Variants in CHD2 observed in about 807,000 individuals in gnomAD.
CHD2 encodes the protein chromodomain helicase DNA binding protein 2.
A neutral mutation model predicts 243.9 loss-of-function variants in CHD2; 28 were observed. That is an observed-to-expected ratio of 0.11 (90% CI 0.09 to 0.16). The LOEUF is 0.16. Ranked by LOEUF, CHD2 falls within the 10% of genes least tolerant of loss-of-function variation. CHD2 has a pLI of 1.00. For synonymous variants in CHD2, 775 were observed against 779.0 expected (o/e 0.99, Z 0.09); for missense variants, 1,386 against 2,209.8 (o/e 0.63, Z 7.47).
intron 25 of CHD2, among the ~76,000 whole-genome samples, chr15:92,985,031 A>G (rs2054024336): frequency 6.6e-6 from 1 of 152,256 alleles, no homozygotes; most frequent in Non-Finnish European, 1.5e-5. Flanking sequence ...TAATAGACAC[A>G]GATTTGTTCA....
chr15:92,967,942 C>A (rs756313698), intron 17 of CHD2, among the ~76,000 whole-genome samples: 10 of 151,370 alleles, frequency 6.6e-5, no homozygotes, highest in Non-Finnish European at 1.5e-4. Flanking sequence ...TGCCATTTTG[C>A]TTGTTTTGGG....
Position 92,992,953 on chromosome 15 carries a change from G to A in CHD2, c.3550G>A (p.Ala1184Thr). 1 of 1,614,096 alleles carries A rather than the reference G, an allele frequency of 6.2e-7. No homozygotes were observed. The highest frequency in any genetic ancestry group is 8.5e-7 in the Non-Finnish European group (1 of 1,180,024). The change falls in exon 28 of 39, where the codon GCA becomes ACA. Residue 1184 changes from alanine (A) to threonine (T), a missense_variant. By Grantham distance (58) the Ala-to-Thr change is moderately conservative. Around this residue, in one of 19 missense-constraint regions of CHD2, gnomAD observed 99 missense variants for 176.9 expected, o/e 0.56. Transcript: ENST00000394196. Reference sequence around the variant, plus strand: ...ACTGATCCACAACAGCTGTGTGTCAGCAATGCAGGAATACGAAGAGCAGCT... The same window carrying A: ...ACTGATCCACAACAGCTGTGTGTCAACAATGCAGGAATACGAAGAGCAGCT... ...GELIHNSCVS[A>T]MQEYEEQLKE...
At chr15:92,901,107 C>T in intron 1 of CHD2, 60 bp from the exon 2 acceptor site, 2 of 680,084 alleles carry the variant, frequency 2.9e-6, no homozygotes, top group South Asian at 1.7e-5. Context: ...GGACTTTGTT[C>T]CTGATAATAA....
At chr15:93,016,537 C>T (rs2054462506) in intron 37 of CHD2, among the ~76,000 whole-genome samples, 1 of 152,098 alleles carries the variant, frequency 6.6e-6, no homozygotes, top group East Asian at 1.9e-4. Context: ...TATTTTAAAA[C>T]ATTGCATTGT....
chr15:92,942,696 TG>T, intron 8 of CHD2, 146 bp from the exon 9 acceptor site: 1 of 569,966 alleles, frequency 1.8e-6, no homozygotes, highest in Non-Finnish European at 3.0e-6. Context: ...GTCCGTTCTG[TG>T]TTGTTTGTGA....
intron 35 of CHD2, among the ~76,000 whole-genome samples, chr15:93,011,216 C>CA (rs2054390114): frequency 6.6e-6 from 1 of 152,010 alleles, no homozygotes; most frequent in Non-Finnish European, 1.5e-5. Context: ...CTTTACAAGT[C>CA]AAAAAAGTAG....
rs1019236721 is a variant in CHD2, at chr15:93,027,942, ACTG to A, written c.*3241_*3243del. On this transcript the variant is annotated 3_prime_UTR_variant, in exon 39 of 39. Transcript: ENST00000394196. ...GTATTAAATTTTCCTACATTGTAAA[ACTG>A]CTGTACTTTTGATTCTTGTATATTA... 2 of 152,648 alleles carry A rather than the reference ACTG, an allele frequency of 1.3e-5. No individual in the cohort carries two copies. Among genetic ancestry groups the A allele is most frequent in the African/African-American group, 4.8e-5 (2 of 41,452 alleles). The allele number at this position is 152,648 out of a possible 1,614,324, so 9.5% of individuals were successfully genotyped here.
chr15:92,904,785 G>T, intron 2 of CHD2: 15 of 1,412,254 alleles, frequency 1.1e-5, no homozygotes, highest in Non-Finnish European at 1.4e-5. Context: ...CCCCGCCCCC[G>T]TTCAGTGTGA....
rs8042437 is a variant in CHD2, at chr15:93,004,345, T to C, written c.4279-272T>C. On this transcript the variant is annotated intron_variant, in intron 33 of 38. Coordinates refer to ENST00000394196, the MANE Select transcript of CHD2 (RefSeq NM_001271.4). ...CTTGATGACATTTCTGTGCATTTTA[T>C]GGATAAAGGAGTAAGAAGCCCAAAA... Among the ~76,000 whole-genome samples the C allele has an allele frequency of 0.63, 96,388 of 151,964 alleles. 31,731 individuals are homozygous for C. The highest frequency in any genetic ancestry group is 0.96 in the East Asian group (4,981 of 5,170).
At chr15:92,942,463 G>C (rs553371797) in intron 8 of CHD2, among the ~76,000 whole-genome samples, 3 of 149,138 alleles carry the variant, frequency 2.0e-5, no homozygotes, top group Non-Finnish European at 3.0e-5. Context: ...AAAGTTAACC[G>C]GGGACTTCGA....
chr15:92,957,428 A>G (rs1425746726), intron 16 of CHD2, among the ~76,000 whole-genome samples: 1 of 152,194 alleles, frequency 6.6e-6, no homozygotes, highest in Non-Finnish European at 1.5e-5. Context: ...CCTAACCTAA[A>G]GTAGCCCTTT....
chr15:92,931,916 A>G (rs551917517), intron 5 of CHD2, among the ~76,000 whole-genome samples: 2 of 142,418 alleles, frequency 1.4e-5, no homozygotes, highest in Non-Finnish European at 3.0e-5. Context: ...AGGCTGGGGT[A>G]CAGTGGCGCA....
chr15:92,928,956 TC>T (rs2053115782), intron 4 of CHD2, 73 bp from the exon 5 acceptor site: 1 of 1,397,888 alleles, frequency 7.2e-7, no homozygotes, highest in African/African-American at 1.4e-5. Context: ...AGACTGTTGA[TC>T]CAGGAGATAG....
rs755517341 is a variant in CHD2 at position 92,956,569 on chromosome 15, T to C, written c.1920T>C (p.His640=). The C allele has an allele frequency of 6.2e-7, 1 of 1,614,022 alleles. No individual in the cohort carries two copies. ...YKTLIDFKSN[H]RLLITGTPLQ... is the part of the protein sequence containing the mutation. ...CTCTGATTGATTTCAAGTCCAACCA[T>C]AGGCTCCTGATTACGGGGACCCCTC... The change falls in exon 16 of 39, where the codon CAT becomes CAC. Residue 640 remains histidine (H), a synonymous_variant. Transcript: ENST00000394196.
intron 2 of CHD2, among the ~76,000 whole-genome samples, chr15:92,909,612 G>A (rs1242377896): frequency 6.6e-6 from 1 of 152,132 alleles, no homozygotes; most frequent in Non-Finnish European, 1.5e-5. Context: ...CTCATACACA[G>A]TGCGGTGCTG....
At chr15:92,949,302 T>G in intron 13 of CHD2, 1 of 1,179,356 alleles carries the variant, frequency 8.5e-7, no homozygotes, top group East Asian at 3.3e-5. Flanking sequence ...CTTTATTTCA[T>G]TATTTGGTGG....
In CHD2 at chr15:92,927,227, G is replaced by T. The variant is rs757490818; in HGVS notation, c.295-17G>T. On this transcript the variant is annotated splice_polypyrimidine_tract_variant and intron_variant, in intron 3 of 38. Coordinates refer to ENST00000394196, the MANE Select transcript of CHD2 (RefSeq NM_001271.4). ...GGTCAAGAAAAAAGATTAATGCGTG[G>T]TCTCTTAATTTTACAGATGTGGGAA... 6.4e-7 allele frequency: 1 copy of T among 1,571,852 alleles called. No individual in the cohort carries two copies. The highest frequency in any genetic ancestry group is 8.7e-7 in the Non-Finnish European group (1 of 1,143,294).
At chr15:92,949,355 C>A (rs531076677) in intron 13 of CHD2, 136 of 602,436 alleles carry the variant, frequency 2.3e-4, no homozygotes, top group Non-Finnish European at 3.0e-4. Flanking sequence ...ATATGTTACT[C>A]ATGAGTGTAT....
intron 17 of CHD2, among the ~76,000 whole-genome samples, chr15:92,971,228 G>GCTTTATA (rs1435876898): frequency 6.6e-6 from 1 of 152,098 alleles, no homozygotes; most frequent in Non-Finnish European, 1.5e-5. Context: ...TGGGATATTT[G>GCTTTATA]CTTTATACTT....
Sources: allele counts gnomAD v4.1 joint callset (sites outside exome capture counted in the v4.1 genomes callset), GRCh38; gene constraint gnomAD v4.1.1; regional missense constraint gnomAD v4.1.1; transcripts MANE v1.5; gene names NCBI Gene and HGNC (gene_info 2026-07-23, HGNC 2026-07-21).